Variants in STK32C observed in about 807,000 individuals in gnomAD.
STK32C encodes serine/threonine kinase 32C.
STK32C carries 31 observed loss-of-function variants against 56.5 expected under a neutral mutation model. That is an observed-to-expected ratio of 0.55 (90% CI 0.41 to 0.74). STK32C has a LOEUF of 0.74. Among genes scored for constraint, STK32C ranks in the 30% least tolerant of loss-of-function variants. The pLI is 0.00. For missense variants in STK32C, 544 were observed against 676.9 expected (o/e 0.80, Z 2.18); for synonymous variants, 309 against 289.4 (o/e 1.07, Z -0.69).
At chr10:132,225,193 G>T in intron 7 of STK32C, 40 bp downstream of exon 7, 1 of 1,526,400 alleles carries the variant, frequency 6.6e-7, no homozygotes, top group Admixed American at 1.8e-5. Flanking sequence ...AGAGAGCAGG[G>T]GCCTGGCAGC....
chr10:132,286,495 A>C (rs922638149), intron 1 of STK32C, among the ~76,000 whole-genome samples: 4 of 152,250 alleles, frequency 2.6e-5, no homozygotes, highest in African/African-American at 9.6e-5. Context: ...ACACAGGCCA[A>C]TATCCCTAAT....
intron 1 of STK32C, among the ~76,000 whole-genome samples, chr10:132,327,346 T>A (rs1044815471): frequency 1.2e-4 from 18 of 152,214 alleles, no homozygotes; most frequent in Admixed American, 9.8e-4. Flanking sequence ...TGTGGAACTT[T>A]AAGTCCATTA....
Position 132,245,915 on chromosome 10 carries a change from C to T in STK32C, c.303G>A (p.Lys101=), listed in dbSNP as rs2063671249. Residue 101 remains lysine (K), a synonymous_variant, in exon 2 of 12, where the codon AAG becomes AAA. Transcript: ENST00000298630. ...CCTGCCTTACCTTGCCAAAGCTGCC[C>T]TTCCCAATGGCCCGAAGGATCTGGA... ...DHFQILRAIG[K]GSFGKVCIVQ... is the part of the protein sequence containing the mutation. 3 of 1,613,484 alleles carry T rather than the reference C, an allele frequency of 1.9e-6. No individual in the cohort carries two copies. The highest frequency in any genetic ancestry group is 2.5e-6 in the Non-Finnish European group (3 of 1,180,032).
At position 132,307,856 on chromosome 10, in the gene STK32C, C is replaced by T. The variant is rs1438117493; in HGVS notation, c.-23G>A. ...CATCGCCGGGTCTGGGTGCGCGCGG[C>T]AGCCGGAACTCGGGGCATGGCCGGC... On this transcript the variant is annotated 5_prime_UTR_variant, in exon 1 of 12. Transcript: ENST00000298630. This position sits in a 1 kb window ranked among gnomAD's most constrained non-coding sequence, Gnocchi z 4.4. The T allele has an allele frequency of 1.7e-6, 2 of 1,145,968 alleles. No homozygotes were observed. The highest frequency in any genetic ancestry group is 1.8e-5 in the South Asian group (1 of 54,770). The allele number at this position is 1,145,968 out of a possible 1,614,324, so 71.0% of individuals were successfully genotyped here. A position where few individuals can be genotyped will look rare whatever the true frequency, so the allele number is the denominator to read the frequency against.
intron 1 of STK32C, among the ~76,000 whole-genome samples, chr10:132,258,423 C>T (rs72856753): frequency 4.6e-5 from 7 of 152,276 alleles, no homozygotes; most frequent in Admixed American, 4.6e-4. Context: ...CCCATCACCC[C>T]CCACGGGGCC....
intron 1 of STK32C, among the ~76,000 whole-genome samples, chr10:132,252,651 G>C (rs922927376): frequency 1.3e-5 from 2 of 151,974 alleles, no homozygotes; most frequent in African/African-American, 4.8e-5. Context: ...TGGGATGGAC[G>C]GAGCGGCTCG....
chr10:132,256,644 C>A (rs887745401), intron 1 of STK32C, among the ~76,000 whole-genome samples: 2 of 152,106 alleles, frequency 1.3e-5, no homozygotes, highest in Non-Finnish European at 2.9e-5. Flanking sequence ...AGCAGCACCT[C>A]CCCCCAGGCT....
intron 1 of STK32C, chr10:132,330,466 C>G (rs1217276520): frequency 1.4e-6 from 1 of 717,090 alleles, no homozygotes; most frequent in East Asian, 2.7e-5. Flanking sequence ...TGAGAAGGTA[C>G]TGGTTGTGCT....
chr10:132,246,053 A>G (rs2063676275), intron 1 of STK32C, 98 bp from the exon 2 acceptor site: 1 of 1,210,316 alleles, frequency 8.3e-7, no homozygotes, highest in Non-Finnish European at 1.2e-6. Flanking sequence ...GACACTGCCC[A>G]GGGCCCCTCA....
chr10:132,276,932 C>T (rs890647830), intron 1 of STK32C, among the ~76,000 whole-genome samples: 3 of 152,254 alleles, frequency 2.0e-5, no homozygotes, highest in Non-Finnish European at 2.9e-5. Flanking sequence ...GCTCACTGAA[C>T]GGCCTCTGTT....
chr10:132,227,092 C>T, intron 3 of STK32C, 124 bp from the exon 4 acceptor site: 1 of 1,161,564 alleles, frequency 8.6e-7, no homozygotes, highest in Non-Finnish European at 1.2e-6. Context: ...CCAGGCATTC[C>T]CAGGAGGAGG....
chr10:132,302,256 G>T (rs1035253915), intron 1 of STK32C, among the ~76,000 whole-genome samples: 4 of 152,238 alleles, frequency 2.6e-5, no homozygotes, highest in Non-Finnish European at 5.9e-5. Context: ...CCACTGGAAA[G>T]CTGGGTGGTT....
chr10:132,265,257 G>C (rs961257078), intron 1 of STK32C, among the ~76,000 whole-genome samples: 6 of 152,020 alleles, frequency 3.9e-5, no homozygotes, highest in African/African-American at 2.4e-5. Flanking sequence ...GGTGCCGCAA[G>C]GGCGGCGAGG....
At chr10:132,212,924 G>C (rs1401404575) in intron 10 of STK32C, among the ~76,000 whole-genome samples, 1 of 152,262 alleles carries the variant, frequency 6.6e-6, no homozygotes, top group Non-Finnish European at 1.5e-5. Flanking sequence ...TGCTGGCCTG[G>C]AGCAGAACTG....
intron 1 of STK32C, among the ~76,000 whole-genome samples, chr10:132,283,909 G>A (rs1007303145): frequency 4.6e-5 from 7 of 152,150 alleles, no homozygotes; most frequent in Non-Finnish European, 1.0e-4. Flanking sequence ...CCAAAGTCCA[G>A]GGGAACCAAA....
At chr10:132,293,487 C>T (rs906040949) in intron 1 of STK32C, among the ~76,000 whole-genome samples, 22 of 152,224 alleles carry the variant, frequency 1.4e-4, no homozygotes, top group African/African-American at 3.4e-4. Flanking sequence ...ACAGGGCAGG[C>T]GGCAGAATGA....
intron 1 of STK32C, among the ~76,000 whole-genome samples, chr10:132,290,396 C>G (rs1197116239): frequency 6.6e-6 from 1 of 152,246 alleles, no homozygotes; most frequent in Non-Finnish European, 1.5e-5. Flanking sequence ...GCGAACATAA[C>G]CCGGCCCCTG....
chr10:132,217,712 T>A (rs769009305), intron 10 of STK32C, among the ~76,000 whole-genome samples: 2 of 152,156 alleles, frequency 1.3e-5, no homozygotes, highest in African/African-American at 2.4e-5. Context: ...ATGAGTCTCA[T>A]GAGATCCGAT....
intron 2 of STK32C, 42 bp from the exon 3 acceptor site, chr10:132,228,170 CTGGGGACACG>C (rs1376024385): frequency 3.1e-6 from 5 of 1,613,000 alleles, no homozygotes; most frequent in African/African-American, 1.3e-5. Flanking sequence ...CTGAGGACGC[CTGGGGACACG>C]TGGGGACACC....
Sources: gnomAD v4.1 joint callset for allele counts (sites outside exome capture counted in the v4.1 genomes callset) on GRCh38, gnomAD v4.1.1 for gene constraint, Gnocchi (gnomAD v3.1) non-coding constraint, MANE v1.5 for transcripts, NCBI Gene and HGNC (gene_info 2026-07-23, HGNC 2026-07-21) for gene names.